The following GAPVD1 variants were observed in gnomAD, a reference collection of about 807,000 sequenced individuals.
The protein encoded by GAPVD1 is GTPase-activating protein and VPS9 domain-containing protein 1.
A neutral mutation model predicts 155.5 loss-of-function variants in GAPVD1; 35 were observed. The ratio of observed to expected loss-of-function variants is 0.23; its 90% confidence interval spans 0.17 to 0.30. GAPVD1 has a LOEUF of 0.30. GAPVD1 is among the 10% of genes least tolerant of loss of function. The pLI, the probability that GAPVD1 is intolerant of heterozygous loss-of-function variation, is 1.00. For missense variants in GAPVD1, 1,429 were observed against 1,775.7 expected (o/e 0.80, Z 3.51); for synonymous variants, 636 against 619.7 (o/e 1.03, Z -0.39).
chr9:125,329,383 G>A (rs1188500277), intron 12 of GAPVD1, among the ~76,000 whole-genome samples: 1 of 152,010 alleles, frequency 6.6e-6, no homozygotes, highest in African/African-American at 2.4e-5. Context: ...ATCTTTGTAG[G>A]GCTATAAATT....
intron 27 of GAPVD1, 151 bp from the exon 28 acceptor site, chr9:125,362,455 T>C: frequency 1.6e-6 from 1 of 606,102 alleles, no homozygotes. Context: ...GAAACTAGGG[T>C]TCACAGATTA....
chr9:125,328,858 CG>C, intron 12 of GAPVD1, among the ~76,000 whole-genome samples: 1 of 151,948 alleles, frequency 6.6e-6, no homozygotes, highest in East Asian at 1.9e-4. Context: ...CCCTCCCGGA[CG>C]GGGCGGCTGG....
chr9:125,279,021 G>A (rs961444373), intron 2 of GAPVD1, among the ~76,000 whole-genome samples: 5 of 151,920 alleles, frequency 3.3e-5, no homozygotes, highest in African/African-American at 1.2e-4. Flanking sequence ...AGACCAGCCT[G>A]GCCAATATGG....
At chr9:125,301,782 A>G (rs1033095668) in intron 4 of GAPVD1, among the ~76,000 whole-genome samples, 13 of 152,084 alleles carry the variant, frequency 8.5e-5, no homozygotes, top group African/African-American at 3.1e-4. Context: ...ATTTGATAAG[A>G]GGAAATTGTC....
In GAPVD1 at chr9:125,307,444, T is replaced by C. The variant is rs371930557; in HGVS notation, c.1148T>C (p.Ile383Thr). 2.7e-5 allele frequency: 43 copies of C among 1,610,902 alleles called. No individual in the cohort carries two copies. The highest frequency in any genetic ancestry group is 2.2e-4 in the East Asian group (10 of 44,874). ...SCVAAFLDVVIGGRAVETPPL... is the reference protein window; with the variant it reads ...SCVAAFLDVVTGGRAVETPPL... ...GTTGCCGCTTTCCTTGATGTTGTGA[T>C]TGGGGGCCGTGCAGTGGAGACCCCT... The change falls in exon 7 of 28, where the codon ATT becomes ACT. Residue 383 changes from isoleucine (I) to threonine (T), a missense_variant. By Grantham distance (89) the Ile-to-Thr change is moderately conservative (BLOSUM62 -1). Coordinates refer to ENST00000297933, the MANE Select transcript of GAPVD1 (RefSeq NM_001282680.3).
intron 9 of GAPVD1, among the ~76,000 whole-genome samples, chr9:125,320,665 G>A (rs964011809): frequency 2.0e-5 from 3 of 150,956 alleles, no homozygotes; most frequent in Non-Finnish European, 4.4e-5. Context: ...TCACTGTATC[G>A]CCCAGGCTAG....
chr9:125,262,818 T>C (rs1833153707), intron 1 of GAPVD1, among the ~76,000 whole-genome samples: 1 of 152,216 alleles, frequency 6.6e-6, no homozygotes, highest in Admixed American at 6.5e-5. Context: ...CTGAAACTTA[T>C]TATTTCCTTC....
chr9:125,332,628 CGG>C lies in GAPVD1; in HGVS notation c.2428_2428+1del. 1 of 1,606,300 alleles carries C rather than the reference CGG, an allele frequency of 6.2e-7. No homozygotes were observed. The highest frequency in any genetic ancestry group is 8.5e-7 in the Non-Finnish European group (1 of 1,177,122). ...GTCCAGACATGGATGAAATAACTCA[CGG>C]TAAGAGGGGGAAATGAGGATGACTT... On this transcript the variant is annotated splice_donor_variant and coding_sequence_variant, in exon 15 of 28. Transcript: ENST00000297933. LOFTEE classifies it high-confidence loss of function.
rs747985352 is a variant in GAPVD1 at position 125,302,531 on chromosome 9, A to G, written c.734A>G (p.Gln245Arg). The part of the protein sequence containing the change: ...FGEKGSDRFR[Q>R]KVQEMVESNE... ...GAGAAGGGCTCAGATAGATTCAGGC[A>G]AAAAGTTCAAGAAATGGTGGAGTCC... The change falls in exon 5 of 28, where the codon CAA (glutamine) becomes CGA (arginine). Residue 245 changes from glutamine to arginine, a missense_variant. By Grantham distance (43) the Gln-to-Arg change is conservative. Transcript: ENST00000297933. 1 of 1,613,924 alleles carries G rather than the reference A, an allele frequency of 6.2e-7. No homozygotes were observed. Among genetic ancestry groups the G allele is most frequent in the Non-Finnish European group, 8.5e-7 (1 of 1,179,958 alleles).
intron 13 of GAPVD1, among the ~76,000 whole-genome samples, chr9:125,330,491 T>C (rs550973955): frequency 1.2e-3 from 179 of 152,024 alleles, no homozygotes; most frequent in African/African-American, 4.1e-3. Context: ...GTAATTTTTG[T>C]ATTTTTAGAG....
Position 125,312,293 on chromosome 9 carries a change from G to GTTTGT in GAPVD1, c.1442-140_1442-136dup, listed in dbSNP as rs756616898. ...TCAGTAGAGTAACTGGGAGGATCTG[G>GTTTGT]TTTGTTTTGTTTTGTTTTGTTTTTT... On this transcript the variant is annotated intron_variant, in intron 8 of 27. Coordinates refer to ENST00000297933, the MANE Select transcript of GAPVD1 (RefSeq NM_001282680.3). Among the ~76,000 whole-genome samples the GTTTGT allele has an allele frequency of 2.6e-5, 4 of 152,122 alleles. No homozygotes were observed. The South Asian group carries it at 6.2e-4, about 24-fold the overall frequency.
At chr9:125,307,614 A>C (rs977687302) in intron 7 of GAPVD1, 67 bp downstream of exon 7, 1 of 1,559,884 alleles carries the variant, frequency 6.4e-7, no homozygotes, top group Non-Finnish European at 8.8e-7. Flanking sequence ...AAAAACATAC[A>C]TGAGTACATT....
chr9:125,295,442 T>A lies in GAPVD1; in HGVS notation c.-149-16T>A, dbSNP rs1246502265. 6.7e-6 allele frequency: 1 copy of A among 150,206 alleles called. No individual in the cohort carries two copies. The highest frequency in any genetic ancestry group is 1.5e-5 in the Non-Finnish European group (1 of 67,708). 9.3% of individuals were successfully genotyped at this position (150,206 alleles called of 1,614,324 possible). ...CTTTTCCTCAATCTTTTTTTTTTTT[T>A]TTTTTTTTGGGACAGGGTCTGGCTC... On this transcript the variant is annotated splice_polypyrimidine_tract_variant and intron_variant, in intron 2 of 27. Coordinates refer to ENST00000297933, the MANE Select transcript of GAPVD1 (RefSeq NM_001282680.3).
At chr9:125,322,765 C>T (rs1401354025) in intron 10 of GAPVD1, among the ~76,000 whole-genome samples, 1 of 151,744 alleles carries the variant, frequency 6.6e-6, no homozygotes, top group Non-Finnish European at 1.5e-5. Context: ...GACATAATAA[C>T]TTCTGGGCTG....
intron 1 of GAPVD1, among the ~76,000 whole-genome samples, chr9:125,266,746 T>G (rs1834039622): frequency 6.6e-6 from 1 of 151,974 alleles, no homozygotes; most frequent in African/African-American, 2.4e-5. Flanking sequence ...TTTTCTGCTG[T>G]TCGTTTTGTT....
intron 24 of GAPVD1, 82 bp downstream of exon 24, chr9:125,354,923 G>C (rs113741147): frequency 1.0e-4 from 95 of 939,824 alleles, no homozygotes; most frequent in African/African-American, 9.2e-4. Context: ...TGTTTTGCTA[G>C]TTTGTTCAAG....
chr9:125,307,942 A>G (rs1842110260), intron 8 of GAPVD1, 62 bp downstream of exon 8: 3 of 1,150,678 alleles, frequency 2.6e-6, no homozygotes, highest in Non-Finnish European at 4.0e-6. Flanking sequence ...AGCCTTTGTT[A>G]TTGCTGAGTG....
chr9:125,334,488 A>G (rs1475320737), intron 15 of GAPVD1, among the ~76,000 whole-genome samples: 3 of 152,228 alleles, frequency 2.0e-5, no homozygotes, highest in Non-Finnish European at 4.4e-5. Flanking sequence ...GAACTAGCCA[A>G]TGTTTCTCCT....
At position 125,367,183 on chromosome 9, in the gene GAPVD1, G is replaced by A. The variant is rs1286364826; in HGVS notation, c.*4437G>A. 1 of 152,102 alleles carries A rather than the reference G, an allele frequency of 6.6e-6. No individual in the cohort carries two copies. Among genetic ancestry groups the A allele is most frequent in the African/African-American group, 2.4e-5 (1 of 41,408 alleles). 9.4% of individuals were successfully genotyped at this position (152,102 alleles called of 1,614,324 possible). On this transcript the variant is annotated 3_prime_UTR_variant, in exon 28 of 28. Coordinates refer to ENST00000297933, the MANE Select transcript of GAPVD1 (RefSeq NM_001282680.3). The stretch of plus-strand genomic sequence containing the variant: ...AAATATTCTATAAAACTGATTAAAA[G>A]GGGAGAGCAGTTTGATTCACAGGGT...
Sources: gnomAD v4.1 joint callset for allele counts (sites outside exome capture counted in the v4.1 genomes callset) on GRCh38, gnomAD v4.1.1 for gene constraint, MANE v1.5 for transcripts, NCBI Gene and HGNC (gene_info 2026-07-23, HGNC 2026-07-21) for gene names.